NELL1: variants seen among roughly 807,000 people sequenced by gnomAD.
The protein encoded by NELL1 is neural EGFL like 1, also known as protein kinase C-binding protein NELL1.
NELL1 carries 76 observed loss-of-function variants against 107.4 expected under a neutral mutation model. That is an observed-to-expected ratio of 0.71 (90% CI 0.59 to 0.86). The LOEUF is 0.86. Ranked by LOEUF, NELL1 falls within the 40% of genes least tolerant of loss-of-function variation. The pLI is 0.00. For missense variants in NELL1, 1,024 were observed against 1,005.5 expected (o/e 1.02, Z -0.25); for synonymous variants, 353 against 341.2 (o/e 1.03, Z -0.38).
intron 15 of NELL1, among the ~76,000 whole-genome samples, chr11:21,439,139 G>C (rs1019177156): frequency 6.6e-6 from 1 of 151,688 alleles, no homozygotes; most frequent in African/African-American, 2.4e-5. Context: ...CAGAATACTA[G>C]GCTATAGACA....
intron 10 of NELL1, among the ~76,000 whole-genome samples, chr11:20,938,920 C>G (rs935994106): frequency 4.3e-5 from 5 of 115,006 alleles, no homozygotes; most frequent in South Asian, 7.0e-4. Flanking sequence ...CTCTCTCTCT[C>G]TCTCTCTCTC....
intron 13 of NELL1, 141 bp from the exon 14 acceptor site, chr11:21,229,191 G>A (rs1565121071): frequency 2.4e-6 from 2 of 848,336 alleles, no homozygotes; most frequent in Admixed American, 2.6e-5. Context: ...GATTTCAACA[G>A]GAACTTTTAG....
intron 1 of NELL1, among the ~76,000 whole-genome samples, chr11:20,676,403 G>A (rs1854058135): frequency 6.6e-6 from 1 of 152,100 alleles, no homozygotes; most frequent in Non-Finnish European, 1.5e-5. Context: ...TATATAGTAA[G>A]CACTCAGTAA....
rs550160930 is a variant in NELL1, at chr11:21,161,144, C to CT, written c.1426+47432dup. Among the ~76,000 whole-genome samples the CT allele has an allele frequency of 9.2e-4, 140 of 152,136 alleles. 2 individuals carry two copies. The highest frequency in any genetic ancestry group is 3.3e-3 in the African/African-American group (137 of 41,496). On this transcript the variant is annotated intron_variant, in intron 13 of 19. Coordinates refer to ENST00000357134, the MANE Select transcript of NELL1 (RefSeq NM_006157.5). ...CCACGAAGAGCTCATCTCAAAGCAC[C>CT]TTCCACTCTGCTTTCTGACCCTCTG... is the stretch of plus-strand genomic sequence containing the variant.
chr11:21,560,146 TC>T (rs1180474024), intron 16 of NELL1, 42 bp from the exon 17 acceptor site: 1 of 1,577,834 alleles, frequency 6.3e-7, no homozygotes, highest in Non-Finnish European at 8.7e-7. Flanking sequence ...TTCTCTAAGT[TC>T]CCTTGGCTAG....
rs115681824 is a variant in NELL1, at chr11:20,709,662, C to T, written c.184+31602C>T. Among the ~76,000 whole-genome samples the T allele has an allele frequency of 2.2e-3, 328 of 152,150 alleles. 2 individuals are homozygous for T. The highest frequency in any genetic ancestry group is 7.3e-3 in the African/African-American group (302 of 41,500). ...GTCATTTTCACAATATTGATTCTAC[C>T]CATCCGTAAGTGTGGGATGTATTTC... is the stretch of plus-strand genomic sequence containing the variant. On this transcript the variant is annotated intron_variant, in intron 2 of 19. Transcript: ENST00000357134.
intron 15 of NELL1, among the ~76,000 whole-genome samples, chr11:21,498,662 G>T (rs182764073): frequency 6.8e-4 from 103 of 151,838 alleles, no homozygotes; most frequent in African/African-American, 2.5e-3. Flanking sequence ...TTTCTTTAGG[G>T]TATATATCAA....
intron 3 of NELL1, among the ~76,000 whole-genome samples, chr11:20,804,195 C>T (rs1360989955): frequency 6.6e-6 from 1 of 151,908 alleles, no homozygotes; most frequent in East Asian, 1.9e-4. Context: ...GCTGTGTGTC[C>T]ATTATCATTT....
chr11:21,410,323 C>T (rs577289852), intron 15 of NELL1, among the ~76,000 whole-genome samples: 11 of 151,928 alleles, frequency 7.2e-5, no homozygotes, highest in Non-Finnish European at 1.0e-4. Flanking sequence ...TTAGTTATTT[C>T]GAAAGTACAT....
intron 2 of NELL1, among the ~76,000 whole-genome samples, chr11:20,756,310 C>T (rs1250458033): frequency 6.6e-6 from 1 of 151,818 alleles, no homozygotes; most frequent in Non-Finnish European, 1.5e-5. Flanking sequence ...AGCAGAGTTA[C>T]TGATATTTTA....
intron 14 of NELL1, among the ~76,000 whole-genome samples, chr11:21,244,706 T>C (rs1458149059): frequency 2.0e-5 from 3 of 152,136 alleles, no homozygotes; most frequent in East Asian, 1.9e-4. Context: ...GCCTGTCTCT[T>C]CCAGGATAGA....
At chr11:20,713,004 G>A (rs1295002518) in intron 2 of NELL1, among the ~76,000 whole-genome samples, 1 of 152,224 alleles carries the variant, frequency 6.6e-6, no homozygotes, top group Non-Finnish European at 1.5e-5. Flanking sequence ...GGTTAGCTAG[G>A]ATGTTGCAGG....
chr11:20,944,880 G>A (rs1850931238), intron 10 of NELL1, among the ~76,000 whole-genome samples: 2 of 152,112 alleles, frequency 1.3e-5, no homozygotes, highest in African/African-American at 4.8e-5. Context: ...AATCAGCGAA[G>A]CAAACCCTTT....
chr11:21,202,358 G>A (rs1200652669), intron 13 of NELL1, among the ~76,000 whole-genome samples: 1 of 152,156 alleles, frequency 6.6e-6, no homozygotes, highest in Non-Finnish European at 1.5e-5. Context: ...GACTTAGGAG[G>A]TATATATGTC....
intron 15 of NELL1, among the ~76,000 whole-genome samples, chr11:21,438,212 T>C (rs1853181137): frequency 6.6e-6 from 1 of 152,166 alleles, no homozygotes; most frequent in Non-Finnish European, 1.5e-5. Flanking sequence ...GAGTTTATTT[T>C]TCATTTCTGA....
chr11:21,175,415 T>C (rs1856691304), intron 13 of NELL1, among the ~76,000 whole-genome samples: 1 of 152,008 alleles, frequency 6.6e-6, no homozygotes, highest in African/African-American at 2.4e-5. Context: ...CTAAGTAATA[T>C]GAGAAGGGAT....
At chr11:21,249,502 C>T (rs1213472549) in intron 14 of NELL1, among the ~76,000 whole-genome samples, 3 of 151,006 alleles carry the variant, frequency 2.0e-5, no homozygotes, top group South Asian at 2.1e-4. Context: ...ATTAGGAACA[C>T]ATTTAGATGC....
rs138345829 is a variant in NELL1, at chr11:20,781,874, C to CAAAAA, written c.185-1789_185-1785dup. Among the ~76,000 whole-genome samples, 32 of 77,276 alleles carry CAAAAA rather than the reference C, an allele frequency of 4.1e-4. 2 individuals are homozygous for CAAAAA. The highest frequency in any genetic ancestry group is 2.0e-3 in the South Asian group (3 of 1,530). The allele number at this position is 77,276 out of a possible 152,430, so 50.7% of individuals were successfully genotyped here. On this transcript the variant is annotated intron_variant, in intron 2 of 19. Transcript: ENST00000357134. ...GGAAACCCTGTCTCTACCAAAAATA[C>CAAAAA]AAAAAAAAAAAAAAAAAAAAAGGCG...
At chr11:21,281,808 C>G (rs577559615) in intron 14 of NELL1, among the ~76,000 whole-genome samples, 1 of 152,298 alleles carries the variant, frequency 6.6e-6, no homozygotes, top group East Asian at 1.9e-4. Context: ...GGTGCTACAT[C>G]TAGGAGATGC....
Sources: allele counts gnomAD v4.1 joint callset (sites outside exome capture counted in the v4.1 genomes callset), GRCh38; gene constraint gnomAD v4.1.1; transcripts MANE v1.5; gene names NCBI Gene and HGNC (gene_info 2026-07-23, HGNC 2026-07-21).